DOCK1: variants seen among roughly 807,000 people sequenced by gnomAD.
DOCK1 encodes dedicator of cytokinesis protein 1.
A neutral mutation model predicts 262.7 loss-of-function variants in DOCK1; 138 were observed. The observed-to-expected ratio is 0.53, with a 90% confidence interval of 0.46 to 0.61. The LOEUF (loss-of-function observed/expected upper bound fraction) is 0.61. Among genes scored for constraint, DOCK1 ranks in the 20% least tolerant of loss-of-function variants. The pLI is 0.00. For missense variants in DOCK1, 1,908 were observed against 2,370.7 expected (o/e 0.80, Z 4.05); for synonymous variants, 866 against 867.4 (o/e 1.00, Z 0.03).
chr10:127,165,789 T>A (rs1213667386), intron 27 of DOCK1, among the ~76,000 whole-genome samples: 1 of 152,128 alleles, frequency 6.6e-6, no homozygotes, highest in Non-Finnish European at 1.5e-5. Flanking sequence ...GACTTAAAGA[T>A]CAATGGCCTT....
At chr10:127,359,831 G>A (rs2064324950) in intron 32 of DOCK1, among the ~76,000 whole-genome samples, 1 of 140,756 alleles carries the variant, frequency 7.1e-6, no homozygotes, top group African/African-American at 2.8e-5. Context: ...TATTCACTGA[G>A]TTGCAAAGAA....
intron 27 of DOCK1, among the ~76,000 whole-genome samples, chr10:127,163,153 A>G (rs894374605): frequency 1.3e-5 from 2 of 152,062 alleles, no homozygotes; most frequent in Admixed American, 6.5e-5. Context: ...TCTCTGTCCT[A>G]TGGGACTGGG....
At chr10:127,014,934 T>G (rs2041744463) in intron 12 of DOCK1, 1 of 152,162 alleles carries the variant, frequency 6.6e-6, no homozygotes, top group African/African-American at 2.4e-5. Flanking sequence ...ATCAACCAGG[T>G]GAGTAGGGAG....
intron 23 of DOCK1, among the ~76,000 whole-genome samples, chr10:127,086,859 G>A (rs552295383): frequency 3.3e-5 from 5 of 152,278 alleles, no homozygotes; most frequent in African/African-American, 1.2e-4. Flanking sequence ...ATATTAGATA[G>A]GCATGCATAA....
intron 33 of DOCK1, among the ~76,000 whole-genome samples, chr10:127,370,177 T>G (rs974109901): frequency 2.0e-5 from 3 of 152,212 alleles, no homozygotes; most frequent in Non-Finnish European, 2.9e-5. Context: ...CTGCCTGCAG[T>G]ATCTTCTGAG....
At chr10:127,206,114 A>G (rs535984132) in intron 27 of DOCK1, among the ~76,000 whole-genome samples, 22 of 146,498 alleles carry the variant, frequency 1.5e-4, no homozygotes, top group East Asian at 1.2e-3. Flanking sequence ...TTACATTGTC[A>G]TCTACCATAT....
intron 31 of DOCK1, among the ~76,000 whole-genome samples, chr10:127,348,837 C>G (rs1234557348): frequency 6.6e-6 from 1 of 152,128 alleles, no homozygotes; most frequent in Non-Finnish European, 1.5e-5. Flanking sequence ...GCCATGCATG[C>G]CGTTTTGCAG....
intron 1 of DOCK1, among the ~76,000 whole-genome samples, chr10:126,946,426 A>G (rs948497126): frequency 1.3e-5 from 2 of 152,146 alleles, no homozygotes; most frequent in Non-Finnish European, 2.9e-5. Flanking sequence ...GGGCACCTGT[A>G]ATCCCAGCTA....
chr10:126,952,954 AG>A (rs2036430038), intron 1 of DOCK1, among the ~76,000 whole-genome samples: 15 of 312 alleles, frequency 0.048, no homozygotes, highest in African/African-American at 0.095. Context: ...TGGTAGTGGT[AG>A]TATTTTTTGT....
chr10:127,356,509 T>C (rs956756870), intron 32 of DOCK1, among the ~76,000 whole-genome samples: 2 of 152,192 alleles, frequency 1.3e-5, no homozygotes, highest in African/African-American at 4.8e-5. Flanking sequence ...TCTCTCTGTG[T>C]TCTTTGTTAA....
intron 1 of DOCK1, among the ~76,000 whole-genome samples, chr10:126,951,536 T>C (rs1253668227): frequency 4.0e-5 from 6 of 151,692 alleles, no homozygotes; most frequent in African/African-American, 1.5e-4. Flanking sequence ...ATTATTGCTG[T>C]TGGTAGTATT....
chr10:127,396,972 C>CTA (rs55834232), intron 38 of DOCK1, among the ~76,000 whole-genome samples: 25,307 of 96,544 alleles, frequency 0.26, 940 homozygotes, highest in Middle Eastern at 0.35. Flanking sequence ...GCAGCGTCTC[C>CTA]TGTGATCTGA....
chr10:127,010,142 G>A lies in DOCK1; in HGVS notation c.1058+1338G>A, dbSNP rs1230976683. Among the ~76,000 whole-genome samples, 3 of 152,142 alleles carry A rather than the reference G, an allele frequency of 2.0e-5. No homozygotes were observed. In the East Asian group the frequency reaches 5.8e-4, roughly 29 times the overall value. On this transcript the variant is annotated intron_variant, in intron 11 of 51. Transcript: ENST00000623213. ...TTAGGTTTACTCTCCTGTCCAATAT[G>A]GTAACCATTAGCTCCATGTGGCTAT...
chr10:127,403,868 C>T (rs1342610118), intron 39 of DOCK1, among the ~76,000 whole-genome samples: 1 of 152,188 alleles, frequency 6.6e-6, no homozygotes, highest in Non-Finnish European at 1.5e-5. Flanking sequence ...ACCTCCTCCA[C>T]CTTGTCATTT....
intron 29 of DOCK1, among the ~76,000 whole-genome samples, chr10:127,269,967 G>A (rs202033583): frequency 6.6e-6 from 1 of 152,158 alleles, no homozygotes; most frequent in East Asian, 1.9e-4. Context: ...AACAGTAAGT[G>A]GCACTGTCTA....
Position 127,176,144 on chromosome 10 carries a change from G to A in DOCK1, c.2847+48380G>A. On this transcript the variant is annotated intron_variant, in intron 27 of 51. Coordinates refer to ENST00000623213, the MANE Select transcript of DOCK1 (RefSeq NM_001290223.2). This position sits in a 1 kb window ranked among gnomAD's most constrained non-coding sequence, Gnocchi z 4.4. Reference sequence around the variant, plus strand: ...GTGCGGGCACTGTCATGTATTTGCGGTAGGCTGCTCTGCAGGACACGGGCT... The same window carrying A: ...GTGCGGGCACTGTCATGTATTTGCGATAGGCTGCTCTGCAGGACACGGGCT... 1 of 1,614,154 alleles carries A rather than the reference G, an allele frequency of 6.2e-7. No individual in the cohort carries two copies. The highest frequency in any genetic ancestry group is 8.5e-7 in the Non-Finnish European group (1 of 1,180,036).
At chr10:127,357,901 G>C (rs1161542765) in intron 32 of DOCK1, among the ~76,000 whole-genome samples, 1 of 152,138 alleles carries the variant, frequency 6.6e-6, no homozygotes, top group African/African-American at 2.4e-5. Flanking sequence ...CATGGTGCCA[G>C]GTGCCTGAGT....
chr10:127,052,266 T>A (rs988232138), intron 21 of DOCK1, among the ~76,000 whole-genome samples: 2 of 152,246 alleles, frequency 1.3e-5, no homozygotes, highest in African/African-American at 4.8e-5. Context: ...GGCTTACGCC[T>A]ATGATCCTAA....
chr10:127,321,120 T>C (rs565323822), intron 29 of DOCK1, among the ~76,000 whole-genome samples: 2 of 152,210 alleles, frequency 1.3e-5, no homozygotes, highest in Admixed American at 1.3e-4. Flanking sequence ...TGTTAAGTGC[T>C]CTTGTCCAGT....
Sources: gnomAD v4.1 joint callset for allele counts (sites outside exome capture counted in the v4.1 genomes callset) on GRCh38, gnomAD v4.1.1 for gene constraint, Gnocchi (gnomAD v3.1) non-coding constraint, MANE v1.5 for transcripts, NCBI Gene and HGNC (gene_info 2026-07-23, HGNC 2026-07-21) for gene names.